MAN1B1: variants seen among roughly 807,000 people sequenced by gnomAD.
MAN1B1 encodes the protein mannosidase alpha class 1B member 1.
A neutral mutation model predicts 75.5 loss-of-function variants in MAN1B1; 66 were observed. That is an observed-to-expected ratio of 0.87 (90% CI 0.72 to 1.07). MAN1B1 has a LOEUF of 1.07. MAN1B1 is among the 50% of genes least tolerant of loss of function. The pLI is 0.00. For missense variants in MAN1B1, 973 were observed against 912.5 expected (o/e 1.07, Z -0.85); for synonymous variants, 453 against 382.8 (o/e 1.18, Z -2.14).
intron 8 of MAN1B1, 146 bp downstream of exon 8, chr9:137,101,818 C>A: frequency 3.9e-6 from 4 of 1,014,634 alleles, no homozygotes; most frequent in Non-Finnish European, 6.0e-6. Context: ...ACCACCTTAA[C>A]CATTTCCAGG....
chr9:137,103,232 A>G (rs1164099453), intron 8 of MAN1B1: 1 of 396,688 alleles, frequency 2.5e-6, no homozygotes, highest in African/African-American at 3.1e-5. Context: ...ACACACATTC[A>G]TGGTGTTGCA....
Position 137,109,169 on chromosome 9 carries a change from G to C in MAN1B1, c.*578G>C, listed in dbSNP as rs771860547. On this transcript the variant is annotated 3_prime_UTR_variant, in exon 13 of 13. Transcript: ENST00000371589. The stretch of plus-strand genomic sequence containing the variant: ...ATGGGTCTTTTCGGTGGAGATAAAA[G>C]TTGATTTGCTCTAACCGCGATGTCG... 2.2e-6 allele frequency: 1 copy of C among 454,538 alleles called. No individual in the cohort carries two copies. The highest frequency in any genetic ancestry group is 1.6e-5 in the South Asian group (1 of 64,482). 28.2% of individuals were successfully genotyped at this position (454,538 alleles called of 1,614,324 possible).
Position 137,101,607 on chromosome 9 carries a change from G to A in MAN1B1, c.1189G>A (p.Glu397Lys), listed in dbSNP as rs387906885. The A allele has an allele frequency of 1.2e-5, 19 of 1,613,698 alleles. No homozygotes were observed. The highest frequency in any genetic ancestry group is 1.3e-5 in the African/African-American group (1 of 74,938). ...GTGGACCTCCGACAGCACTGTGGCC[G>A]AGGTGACCAGCATTCAGCTGGAGTT... ...PRWTSDSTVA[E>K]VTSIQLEFRE... The change falls in exon 8 of 13, where the codon GAG (glutamate) becomes AAG (lysine). Residue 397 changes from glutamate (E) to lysine (K), a missense_variant. Glu to Lys is a moderately conservative substitution (Grantham distance 56). Coordinates refer to ENST00000371589, the MANE Select transcript of MAN1B1 (RefSeq NM_016219.5).
At chr9:137,087,557 G>C (rs1184627492) in intron 1 of MAN1B1, 1 of 556,582 alleles carries the variant, frequency 1.8e-6, no homozygotes, top group Non-Finnish European at 3.4e-6. Flanking sequence ...CGTGGTGTAT[G>C]CTCCCCTCGG....
intron 3 of MAN1B1, among the ~76,000 whole-genome samples, chr9:137,094,170 A>G (rs111815020): frequency 5.3e-5 from 8 of 151,620 alleles, no homozygotes; most frequent in African/African-American, 1.7e-4. Flanking sequence ...ATGTGCCACC[A>G]CGCCCGGCTA....
In MAN1B1 at chr9:137,106,326, GCCCGCTGCCCCCAGCT is replaced by G; in HGVS notation, c.1445+17_1445+32del. ...GAAGCAGGAGACACAGTGAGGCCCGGCCCGCTGCCCCCAGCTCCCGCGGCTCCCCCGTTCCCGCAGC... is the reference window on the plus strand; with the variant it reads ...GAAGCAGGAGACACAGTGAGGCCCGGCCCGCGGCTCCCCCGTTCCCGCAGC... On this transcript the variant is annotated intron_variant, in intron 9 of 12. Transcript: ENST00000371589. 6.5e-7 allele frequency: 1 copy of G among 1,545,510 alleles called. No homozygotes were observed. Among genetic ancestry groups the G allele is most frequent in the Non-Finnish European group, 8.7e-7 (1 of 1,144,822 alleles).
rs142144025 is a variant in MAN1B1, at chr9:137,096,285, C to T, written c.514C>T (p.Pro172Ser). ...QRGPPHLQIR[P>S]PSQDLKDGTQ... is the part of the protein sequence containing the mutation. ...GGGACCACCTCACCTGCAGATTAGA[C>T]CCCCAAGCCAAGACCTGAAGGATGG... The change falls in exon 4 of 13, where the codon CCC becomes TCC. Residue 172 changes from proline (P) to serine (S), a missense_variant. By Grantham distance (74) the Pro-to-Ser change is moderately conservative. Coordinates refer to ENST00000371589, the MANE Select transcript of MAN1B1 (RefSeq NM_016219.5). 1.3e-4 allele frequency: 216 copies of T among 1,614,098 alleles called. No homozygotes were observed. The highest frequency in any genetic ancestry group is 6.2e-4 in the Admixed American group (37 of 60,014).
chr9:137,104,085 G>A (rs574508712), intron 8 of MAN1B1: 18 of 457,120 alleles, frequency 3.9e-5, no homozygotes, highest in Non-Finnish European at 6.6e-5. Flanking sequence ...CATCTCCAGA[G>A]CCCTTTTCAT....
chr9:137,107,707 C>G, intron 12 of MAN1B1, 45 bp downstream of exon 12: 1 of 1,610,606 alleles, frequency 6.2e-7, no homozygotes, highest in Non-Finnish European at 8.5e-7. Context: ...CACCGGGCCA[C>G]AGGCACGGCT....
intron 1 of MAN1B1, 133 bp from the exon 2 acceptor site, chr9:137,087,942 C>CAA (rs200935172): frequency 1.4e-4 from 94 of 648,298 alleles, no homozygotes; most frequent in Middle Eastern, 5.5e-4. Context: ...ACCCTGTTTC[C>CAA]AAAAAAAAAA....
intron 8 of MAN1B1, chr9:137,103,650 A>G: frequency 5.9e-6 from 2 of 341,194 alleles, no homozygotes; most frequent in Non-Finnish European, 1.1e-5. Flanking sequence ...TGTTACACAC[A>G]TTCACACTTG....
In MAN1B1 at chr9:137,107,300, C is replaced by T. The variant is rs773480999; in HGVS notation, c.1617C>T (p.His539=). ...GGACGCTGGCTCTGGGCGTCTACCA[C>T]GGCCTGCCCGCCAGCCACATGGAGC... ...LPGTLALGVY[H]GLPASHMELA... is the part of the protein sequence containing the mutation. The change falls in exon 11 of 13, where the codon CAC becomes CAT. Residue 539 remains histidine (H), a synonymous_variant. Coordinates refer to ENST00000371589, the MANE Select transcript of MAN1B1 (RefSeq NM_016219.5). 1.4e-5 allele frequency: 23 copies of T among 1,613,004 alleles called. No individual in the cohort carries two copies. Among genetic ancestry groups the T allele is most frequent in the South Asian group, 8.8e-5 (8 of 91,094 alleles).
intron 8 of MAN1B1, chr9:137,104,380 G>A (rs1831019014): frequency 1.4e-5 from 4 of 293,234 alleles, no homozygotes; most frequent in South Asian, 3.3e-5. Context: ...GATTACAGGC[G>A]CCTGCCACCA....
intron 5 of MAN1B1, among the ~76,000 whole-genome samples, chr9:137,098,301 T>G (rs896571691): frequency 1.3e-5 from 2 of 152,214 alleles, no homozygotes; most frequent in Non-Finnish European, 2.9e-5. Context: ...GTTGGGGGCC[T>G]CCCAGGTGCG....
At chr9:137,105,385 A>C in intron 8 of MAN1B1, 1 of 174,176 alleles carries the variant, frequency 5.7e-6, no homozygotes, top group East Asian at 1.9e-4. Context: ...TCCCATGCAG[A>C]CATTTAGAAG....
At chr9:137,095,557 GTAA>G (rs1033183628) in intron 3 of MAN1B1, among the ~76,000 whole-genome samples, 7 of 152,000 alleles carry the variant, frequency 4.6e-5, no homozygotes, top group East Asian at 1.9e-4. Flanking sequence ...TGTCTCTATA[GTAA>G]TAATAATAAT....
intron 9 of MAN1B1, 84 bp from the exon 10 acceptor site, chr9:137,106,605 G>C: frequency 1.3e-6 from 2 of 1,598,220 alleles, no homozygotes; most frequent in Non-Finnish European, 1.7e-6. Context: ...GTACTTGTGT[G>C]GGCCCAGGAT....
rs1831200292 is a variant in MAN1B1 at position 137,108,541 on chromosome 9, T to C, written c.2050T>C (p.Tyr684His). Residue 684 changes from tyrosine to histidine, a missense_variant, in exon 13 of 13, where the codon TAC becomes CAC. Physicochemically the swap from Tyr to His is moderately conservative, Grantham distance 83 (BLOSUM62 2). Coordinates refer to ENST00000371589, the MANE Select transcript of MAN1B1 (RefSeq NM_016219.5). Reference sequence around the variant, plus strand: ...CCCAAACCTGCTCAGCCTGGATGCCTACGTGTTCAACACCGAAGCCCACCC... The same window carrying C: ...CCCAAACCTGCTCAGCCTGGATGCCCACGTGTTCAACACCGAAGCCCACCC... The part of the protein sequence containing the change: ...DDPNLLSLDA[Y>H]VFNTEAHPLP... The C allele has an allele frequency of 6.2e-7, 1 of 1,613,932 alleles. No homozygotes were observed. Among genetic ancestry groups the C allele is most frequent in the Admixed American group, 1.7e-5 (1 of 60,020 alleles).
At chr9:137,107,188 G>T (rs945995800) in intron 10 of MAN1B1, 62 bp from the exon 11 acceptor site, 1 of 1,561,758 alleles carries the variant, frequency 6.4e-7, no homozygotes, top group Non-Finnish European at 8.8e-7. Context: ...TTGGCTGCCC[G>T]TGCAGCTGCA....
Sources: allele counts gnomAD v4.1 joint callset (sites outside exome capture counted in the v4.1 genomes callset), GRCh38; gene constraint gnomAD v4.1.1; transcripts MANE v1.5; gene names NCBI Gene and HGNC (gene_info 2026-07-23, HGNC 2026-07-21).